ADCY10: variants seen among roughly 807,000 people sequenced by gnomAD.
ADCY10 encodes the protein adenylate cyclase type 10.
A neutral mutation model predicts 183.3 loss-of-function variants in ADCY10; 156 were observed. That is an observed-to-expected ratio of 0.85 (90% confidence interval 0.75 to 0.97). ADCY10 has a LOEUF of 0.97. Ranked by LOEUF, ADCY10 falls within the 50% of genes least tolerant of loss-of-function variation. The pLI is 0.00. For synonymous variants in ADCY10, 645 were observed against 670.0 expected (o/e 0.96, Z 0.58); for missense variants, 1,745 against 1,934.3 (o/e 0.90, Z 1.84).
At chr1:167,820,232 A>G (rs561741128) in intron 30 of ADCY10, 221 of 1,541,204 alleles carry the variant, frequency 1.4e-4, no homozygotes, top group Admixed American at 4.8e-4. Flanking sequence ...CACAGGGCCC[A>G]CTGGGTCCTG....
intron 18 of ADCY10, among the ~76,000 whole-genome samples, chr1:167,848,975 T>C (rs1364861578): frequency 2.6e-5 from 4 of 152,156 alleles, no homozygotes; most frequent in African/African-American, 9.7e-5. Flanking sequence ...AACTGATTCA[T>C]GAAAATCTAG....
intron 13 of ADCY10, 59 bp from the exon 14 acceptor site, chr1:167,870,469 A>G: frequency 6.9e-7 from 1 of 1,439,274 alleles, no homozygotes; most frequent in Non-Finnish European, 9.6e-7. Flanking sequence ...GTCTAGAGAT[A>G]TAAAAAGTCA....
chr1:167,840,299 A>G (rs1051796421), intron 21 of ADCY10, among the ~76,000 whole-genome samples: 19 of 152,134 alleles, frequency 1.2e-4, no homozygotes, highest in Admixed American at 1.2e-3. Context: ...AAATAGAATC[A>G]GGGCATATGA....
chr1:167,866,946 C>T (rs576667795), intron 14 of ADCY10, among the ~76,000 whole-genome samples: 1 of 152,304 alleles, frequency 6.6e-6, no homozygotes, highest in South Asian at 2.1e-4. Context: ...GATAAGCTAA[C>T]TCTTAGGCAA....
At chr1:167,861,173 A>G (rs1157052300) in intron 14 of ADCY10, 110 bp from the exon 15 acceptor site, 1 of 926,592 alleles carries the variant, frequency 1.1e-6, no homozygotes, top group Admixed American at 2.1e-5. Context: ...ATAATGATGG[A>G]GATTTTCCAA....
At chr1:167,888,672 C>A (rs1668390566) in intron 8 of ADCY10, among the ~76,000 whole-genome samples, 1 of 151,788 alleles carries the variant, frequency 6.6e-6, no homozygotes, top group South Asian at 2.1e-4. Context: ...GTCAGGAGAT[C>A]GAGACCATCC....
intron 31 of ADCY10, among the ~76,000 whole-genome samples, chr1:167,812,304 A>G (rs1571198399): frequency 6.6e-6 from 1 of 151,844 alleles, no homozygotes; most frequent in Non-Finnish European, 1.5e-5. Flanking sequence ...TTTTTTCTCC[A>G]CCCACCCTCC....
At position 167,809,473 on chromosome 1, in the gene ADCY10, T is replaced by G; in HGVS notation, c.*205A>C. Reference sequence around the variant, plus strand: ...AAAACAACATGAATGGTAAAAGCAATTTTTTGTAACATTAGGAAGAAGTAA... The same window carrying G: ...AAAACAACATGAATGGTAAAAGCAAGTTTTTGTAACATTAGGAAGAAGTAA... On this transcript the variant is annotated 3_prime_UTR_variant, in exon 33 of 33. Coordinates refer to ENST00000367851, the MANE Select transcript of ADCY10 (RefSeq NM_018417.6). 1.7e-6 allele frequency: 1 copy of G among 600,638 alleles called. No homozygotes were observed. Among genetic ancestry groups the G allele is most frequent in the Non-Finnish European group, 2.9e-6 (1 of 347,756 alleles). The allele number at this position is 600,638 out of a possible 1,614,324, so 37.2% of individuals were successfully genotyped here.
chr1:167,861,159 A>G (rs1180060248), intron 14 of ADCY10, 96 bp from the exon 15 acceptor site: 6 of 1,055,756 alleles, frequency 5.7e-6, no homozygotes, highest in Non-Finnish European at 8.5e-6. Context: ...TCTCATATTC[A>G]GCTATAATGA....
At chr1:167,877,615 A>G (rs11584210) in intron 12 of ADCY10, among the ~76,000 whole-genome samples, 23,984 of 152,224 alleles carry the variant, frequency 0.16, 2,175 homozygotes, top group Middle Eastern at 0.24. Flanking sequence ...TCACAGTGTA[A>G]CAAGTGAAAA....
intron 14 of ADCY10, among the ~76,000 whole-genome samples, chr1:167,869,786 GC>G (rs1313373423): frequency 6.6e-6 from 1 of 151,992 alleles, no homozygotes; most frequent in African/African-American, 2.4e-5. Flanking sequence ...CAGAAGTTGA[GC>G]ACCTTGACGA....
intron 22 of ADCY10, among the ~76,000 whole-genome samples, 167 bp from the exon 23 acceptor site, chr1:167,836,707 T>G (rs1664231791): frequency 6.6e-6 from 1 of 152,012 alleles, no homozygotes; most frequent in African/African-American, 2.4e-5. Flanking sequence ...CTGGCCAACC[T>G]GGTGAAACCC....
intron 14 of ADCY10, among the ~76,000 whole-genome samples, 185 bp downstream of exon 14, chr1:167,870,072 C>T (rs1018416791): frequency 3.3e-5 from 5 of 152,098 alleles, no homozygotes; most frequent in African/African-American, 1.2e-4. Flanking sequence ...ATGGGTCAGC[C>T]CAGTTTCTCT....
chr1:167,856,120 A>C, intron 17 of ADCY10, 45 bp downstream of exon 17: 4 of 1,594,028 alleles, frequency 2.5e-6, no homozygotes, highest in Non-Finnish European at 3.4e-6. Context: ...GACCGAGGGA[A>C]TGTATGCAGA....
rs1663899844 is a variant in ADCY10 at position 167,833,181 on chromosome 1, G to A, written c.3418-19C>T. ...AACAGACCTACAGGGAGGTGGGAGG[G>A]AAGAGAGGAAAAGAGGAAAACGATG... is the stretch of plus-strand genomic sequence containing the variant. On this transcript the variant is annotated intron_variant, in intron 24 of 32. Transcript: ENST00000367851. The A allele has an allele frequency of 5.0e-6, 8 of 1,611,676 alleles. No individual in the cohort carries two copies. The highest frequency in any genetic ancestry group is 1.3e-5 in the African/African-American group (1 of 74,864).
Position 167,810,790 on chromosome 1 carries a change from T to C in ADCY10, c.4606A>G (p.Thr1536Ala), listed in dbSNP as rs773863012. ...TGTGTTTCAGAGAGCCGCAAGGCTG[T>C]GTTCAGGAAGAGGCCACATTTCTGC... ...DGQKCGLFLN[T>A]ALRLSETQGN... Residue 1536 changes from threonine (T) to alanine (A), a missense_variant, in exon 32 of 33, where the codon ACA (threonine) becomes GCA (alanine). Physicochemically the swap from Thr to Ala is moderately conservative, Grantham distance 58. Transcript: ENST00000367851. 2 of 1,614,230 alleles carry C rather than the reference T, an allele frequency of 1.2e-6. No homozygotes were observed. The highest frequency in any genetic ancestry group is 2.2e-5 in the East Asian group (1 of 44,886).
At position 167,845,583 on chromosome 1, in the gene ADCY10, G is replaced by A. The variant is rs761656986; in HGVS notation, c.2987C>T (p.Ala996Val). 2 of 1,614,168 alleles carry A rather than the reference G, an allele frequency of 1.2e-6. No individual in the cohort carries two copies. Among genetic ancestry groups the A allele is most frequent in the Non-Finnish European group, 1.7e-6 (2 of 1,180,002 alleles). The stretch of plus-strand genomic sequence containing the variant: ...GTTACTTTTAAATCCATGAGACATA[G>A]CCATCTTTTTAATGGCATCCATGTC... Reference protein sequence around the residue: ...ALDMDAIKKMAMSHGFKTEEK... With the variant: ...ALDMDAIKKMVMSHGFKTEEK... Residue 996 changes from alanine (A) to valine (V), a missense_variant, in exon 21 of 33, where the codon GCT (alanine) becomes GTT (valine). Physicochemically the swap from Ala to Val is moderately conservative, Grantham distance 64 (BLOSUM62 0). Transcript: ENST00000367851.
chr1:167,908,956 T>A (rs535287768), intron 1 of ADCY10, among the ~76,000 whole-genome samples: 1 of 152,240 alleles, frequency 6.6e-6, no homozygotes, highest in African/African-American at 2.4e-5. Context: ...AAATCATAAG[T>A]GTATAGCTTG....
chr1:167,843,833 T>C (rs1184839320), intron 21 of ADCY10, among the ~76,000 whole-genome samples: 1 of 152,186 alleles, frequency 6.6e-6, no homozygotes, highest in Non-Finnish European at 1.5e-5. Flanking sequence ...CTTGAGGTGA[T>C]GAAGTAAACA....
Sources: gnomAD v4.1 joint callset for allele counts (sites outside exome capture counted in the v4.1 genomes callset) on GRCh38, gnomAD v4.1.1 for gene constraint, MANE v1.5 for transcripts, NCBI Gene and HGNC (gene_info 2026-07-23, HGNC 2026-07-21) for gene names.